Variants in PIK3CB observed in about 807,000 individuals in gnomAD.
The protein encoded by PIK3CB is phosphatidylinositol 4,5-bisphosphate 3-kinase catalytic subunit beta isoform.
A neutral mutation model predicts 136.8 loss-of-function variants in PIK3CB; 39 were observed. That is an observed-to-expected ratio of 0.29 (90% CI 0.22 to 0.37). PIK3CB has a LOEUF of 0.37. Among genes scored for constraint, PIK3CB ranks in the 10% least tolerant of loss-of-function variants. The probability of loss-of-function intolerance (pLI) is 1.00; values close to 1 mark genes in which losing one functional copy is unlikely to be tolerated. For synonymous variants in PIK3CB, 428 were observed against 436.6 expected (o/e 0.98, Z 0.25); for missense variants, 868 against 1,275.4 (o/e 0.68, Z 4.87).
intron 8 of PIK3CB, among the ~76,000 whole-genome samples, chr3:138,720,119 C>G (rs2044696010): frequency 1.3e-5 from 2 of 152,172 alleles, no homozygotes; most frequent in Admixed American, 1.3e-4. Context: ...GATGCAGGGT[C>G]CGCATGCCTG....
intron 2 of PIK3CB, among the ~76,000 whole-genome samples, chr3:138,796,182 A>G (rs953707496): frequency 5.3e-5 from 8 of 152,108 alleles, no homozygotes; most frequent in African/African-American, 1.7e-4. Context: ...CAGGAGTTCA[A>G]CACCAGCCTG....
chr3:138,754,491 T>C (rs1283245857), intron 4 of PIK3CB, among the ~76,000 whole-genome samples: 2 of 152,090 alleles, frequency 1.3e-5, no homozygotes, highest in Non-Finnish European at 2.9e-5. Context: ...AACACACCTT[T>C]GTAGCTCTAG....
intron 2 of PIK3CB, among the ~76,000 whole-genome samples, chr3:138,759,812 T>C (rs1282072401): frequency 6.6e-6 from 1 of 152,304 alleles, no homozygotes; most frequent in African/African-American, 2.4e-5. Context: ...TAGAAAATAT[T>C]AGCTTCTTAG....
chr3:138,775,485 G>A (rs955866464), intron 2 of PIK3CB, among the ~76,000 whole-genome samples: 3 of 152,068 alleles, frequency 2.0e-5, no homozygotes, highest in Non-Finnish European at 2.9e-5. Context: ...TTTTTACCTC[G>A]ACCTCCCAGA....
intron 8 of PIK3CB, among the ~76,000 whole-genome samples, chr3:138,717,207 T>C (rs895980583): frequency 1.3e-5 from 2 of 150,734 alleles, no homozygotes; most frequent in Admixed American, 6.6e-5. Context: ...TGAGCCAAGA[T>C]TGTGCCACTG....
At chr3:138,830,738 A>T (rs1933990059) in intron 1 of PIK3CB, among the ~76,000 whole-genome samples, 1 of 149,520 alleles carries the variant, frequency 6.7e-6, no homozygotes, top group Admixed American at 6.7e-5. Context: ...TCTCTACTAA[A>T]AACACACAAA....
chr3:138,703,378 T>A (rs1333644344), intron 12 of PIK3CB, among the ~76,000 whole-genome samples: 3 of 152,168 alleles, frequency 2.0e-5, no homozygotes, highest in African/African-American at 7.2e-5. Context: ...ATACACATTG[T>A]CTCCAGTTTG....
intron 2 of PIK3CB, among the ~76,000 whole-genome samples, chr3:138,765,371 T>A (rs1313223920): frequency 6.6e-6 from 1 of 152,096 alleles, no homozygotes; most frequent in African/African-American, 2.4e-5. Flanking sequence ...AAAATTTGAT[T>A]TAAATCATGC....
intron 20 of PIK3CB, 124 bp from the exon 21 acceptor site, chr3:138,664,153 A>C: frequency 9.3e-7 from 1 of 1,070,786 alleles, no homozygotes; most frequent in Non-Finnish European, 1.3e-6. Context: ...CCAAAACCGT[A>C]TGAGAGAACA....
At chr3:138,799,083 G>A (rs1407190273) in intron 1 of PIK3CB, among the ~76,000 whole-genome samples, 4 of 151,788 alleles carry the variant, frequency 2.6e-5, no homozygotes, top group Non-Finnish European at 4.4e-5. Context: ...TTAGCCGGGC[G>A]TGGTGGTGTA....
rs2108500542 is a variant in PIK3CB at position 138,688,911 on chromosome 3, C to T, written c.2100G>A (p.Arg700=). Residue 700 remains arginine, a synonymous_variant, in exon 16 of 24, where the codon CGG becomes CGA. Coordinates refer to ENST00000674063, the MANE Select transcript of PIK3CB (RefSeq NM_006219.3). ...QFGVILEAYC[R]GSVGHMKVLS... ...GCACTTTCATGTGCCCCACACTTCC[C>T]CGGCAGTATGCTTCAAGGATGACAC... 2.5e-6 allele frequency: 4 copies of T among 1,613,640 alleles called. No homozygotes were observed. The highest frequency in any genetic ancestry group is 3.4e-6 in the Non-Finnish European group (4 of 1,179,580).
At chr3:138,785,300 G>C (rs553071650) in intron 2 of PIK3CB, among the ~76,000 whole-genome samples, 1 of 152,114 alleles carries the variant, frequency 6.6e-6, no homozygotes, top group Admixed American at 6.5e-5. Context: ...CTGCCAGGCC[G>C]CCGCCCTGTC....
At chr3:138,680,030 C>G (rs1249854887) in intron 19 of PIK3CB, among the ~76,000 whole-genome samples, 1 of 148,414 alleles carries the variant, frequency 6.7e-6, no homozygotes, top group Non-Finnish European at 1.5e-5. Flanking sequence ...AATAAGGAAG[C>G]AAATCTCTAA....
chr3:138,811,286 C>T (rs893362150), intron 1 of PIK3CB, among the ~76,000 whole-genome samples: 4 of 143,342 alleles, frequency 2.8e-5, no homozygotes, highest in African/African-American at 1.0e-4. Flanking sequence ...ACTGTCATGG[C>T]ACCACTAAGG....
intron 2 of PIK3CB, among the ~76,000 whole-genome samples, chr3:138,769,019 G>A (rs756438074): frequency 1.3e-5 from 2 of 152,144 alleles, no homozygotes; most frequent in Non-Finnish European, 2.9e-5. Context: ...GCTCCTGCCT[G>A]CTCCATGGAG....
intron 8 of PIK3CB, among the ~76,000 whole-genome samples, 193 bp from the exon 9 acceptor site, chr3:138,714,912 C>T (rs889356501): frequency 8.7e-4 from 133 of 152,128 alleles, no homozygotes; most frequent in African/African-American, 3.2e-3. Flanking sequence ...GTGTAATTAA[C>T]CAGTATATCG....
intron 3 of PIK3CB, among the ~76,000 whole-genome samples, chr3:138,756,619 A>G (rs2045573596): frequency 6.6e-6 from 1 of 152,154 alleles, no homozygotes; most frequent in South Asian, 2.1e-4. Context: ...CCACACAAAA[A>G]CAAAAAGGGA....
In PIK3CB at chr3:138,811,359, T is replaced by C. The variant is rs116288590; in HGVS notation, c.-121-14792A>G. Among the ~76,000 whole-genome samples the C allele has an allele frequency of 7.2e-3, 1,082 of 150,776 alleles. 12 individuals are homozygous for C. The highest frequency in any genetic ancestry group is 0.024 in the African/African-American group (967 of 41,028). ...ATTGGTAAAATTGGAATATAAACTA[T>C]ATATTAGGTAACAATACCAATGTTA... is the stretch of plus-strand genomic sequence containing the variant. On this transcript the variant is annotated intron_variant, in intron 1 of 23. Transcript: ENST00000674063.
chr3:138,792,310 C>A (rs55795735), intron 2 of PIK3CB, among the ~76,000 whole-genome samples: 22,472 of 152,070 alleles, frequency 0.15, 2,231 homozygotes, highest in Non-Finnish European at 0.23. Flanking sequence ...ACAATAACAC[C>A]TATTCACAAG....
Sources: allele counts gnomAD v4.1 joint callset (sites outside exome capture counted in the v4.1 genomes callset), GRCh38; gene constraint gnomAD v4.1.1; transcripts MANE v1.5; gene names NCBI Gene and HGNC (gene_info 2026-07-23, HGNC 2026-07-21).